CHN2: variants seen among roughly 807,000 people sequenced by gnomAD.
The protein encoded by CHN2 is chimerin 2.
In CHN2, 35 loss-of-function variants were observed where a neutral mutation model predicts 56.3. The ratio of observed to expected loss-of-function variants is 0.62; its 90% CI spans 0.47 to 0.82. CHN2 has a LOEUF of 0.82. Ranked by LOEUF, CHN2 falls within the 40% of genes least tolerant of loss-of-function variation. The probability of loss-of-function intolerance (pLI) is 0.00; values close to 1 mark genes in which losing one functional copy is unlikely to be tolerated. For missense variants in CHN2, 491 were observed against 580.5 expected (o/e 0.85, Z 1.58); for synonymous variants, 210 against 212.8 (o/e 0.99, Z 0.12).
intron 1 of CHN2, among the ~76,000 whole-genome samples, chr7:29,242,085 T>G (rs560980483): frequency 1.3e-5 from 2 of 152,316 alleles, no homozygotes; most frequent in African/African-American, 4.8e-5. Flanking sequence ...CTCATTTAAT[T>G]CTCACAACCA....
chr7:29,508,906 C>T (rs930153010), intron 11 of CHN2, among the ~76,000 whole-genome samples: 5 of 151,964 alleles, frequency 3.3e-5, no homozygotes, highest in Non-Finnish European at 7.4e-5. Flanking sequence ...TAGACAACTG[C>T]AAGGCAATAC....
At chr7:29,395,794 C>T (rs1409671898) in intron 4 of CHN2, among the ~76,000 whole-genome samples, 1 of 152,164 alleles carries the variant, frequency 6.6e-6, no homozygotes, top group African/African-American at 2.4e-5. Flanking sequence ...TTGTCATTTT[C>T]TTCTTTTGAA....
At chr7:29,451,457 T>G (rs771907383) in intron 6 of CHN2, among the ~76,000 whole-genome samples, 1 of 152,116 alleles carries the variant, frequency 6.6e-6, no homozygotes, top group African/African-American at 2.4e-5. Flanking sequence ...CTTCAGAAAC[T>G]ACTTCTTACT....
chr7:29,321,051 A>G (rs1211725359), intron 1 of CHN2, among the ~76,000 whole-genome samples: 2 of 152,148 alleles, frequency 1.3e-5, no homozygotes, highest in Non-Finnish European at 2.9e-5. Context: ...AAACCTCACT[A>G]TTTATTTTAC....
intron 6 of CHN2, among the ~76,000 whole-genome samples, chr7:29,408,134 G>C (rs1802832187): frequency 6.6e-6 from 1 of 151,578 alleles, no homozygotes; most frequent in Non-Finnish European, 1.5e-5. Flanking sequence ...AGGTTGTAGT[G>C]AGCCCAGATC....
At chr7:29,405,998 C>T (rs1802619498) in intron 6 of CHN2, among the ~76,000 whole-genome samples, 1 of 152,218 alleles carries the variant, frequency 6.6e-6, no homozygotes, top group African/African-American at 2.4e-5. Context: ...CAAGGTTGAG[C>T]CTGTCCCGAG....
chr7:29,379,015 C>T (rs1800290613), intron 3 of CHN2, among the ~76,000 whole-genome samples: 1 of 152,162 alleles, frequency 6.6e-6, no homozygotes, highest in Non-Finnish European at 1.5e-5. Context: ...GCACTTAGAA[C>T]AGTGCCTGAC....
At chr7:29,368,300 A>AT (rs1451098270) in intron 3 of CHN2, among the ~76,000 whole-genome samples, 2 of 152,110 alleles carry the variant, frequency 1.3e-5, no homozygotes, top group African/African-American at 4.8e-5. Flanking sequence ...TTCTTTTAGC[A>AT]TTTTTTATTA....
chr7:29,219,028 T>C (rs1785566972), intron 1 of CHN2, among the ~76,000 whole-genome samples: 3 of 152,204 alleles, frequency 2.0e-5, no homozygotes, highest in Admixed American at 1.3e-4. Context: ...TTAGGCTGTT[T>C]TAAATGTGGG....
rs577510959 is a variant in CHN2 at position 29,387,162 on chromosome 7, G to C, written c.145-6517G>C. Among the ~76,000 whole-genome samples the C allele has an allele frequency of 8.0e-4, 122 of 152,296 alleles. 1 individual carries two copies. Among genetic ancestry groups the C allele is most frequent in the Non-Finnish European group, 1.0e-4 (7 of 68,026 alleles). On this transcript the variant is annotated intron_variant, in intron 3 of 12. Transcript: ENST00000222792. ...AAAGGAGAGAAACCCTCAGGACTCT[G>C]CCTGGCACAGAGTAGCCACTCAATA...
intron 1 of CHN2, among the ~76,000 whole-genome samples, chr7:29,210,512 A>G (rs1354186927): frequency 2.6e-5 from 4 of 152,184 alleles, no homozygotes; most frequent in African/African-American, 4.8e-5. Flanking sequence ...AGATACTGCA[A>G]TGAACAAAAC....
intron 1 of CHN2, among the ~76,000 whole-genome samples, chr7:29,323,441 G>T (rs1470528520): frequency 6.6e-6 from 1 of 152,128 alleles, no homozygotes; most frequent in Non-Finnish European, 1.5e-5. Flanking sequence ...CACAGCCTAA[G>T]ATTACAGAGT....
At chr7:29,482,479 AAGC>A (rs1787366605) in intron 7 of CHN2, among the ~76,000 whole-genome samples, 1 of 152,170 alleles carries the variant, frequency 6.6e-6, no homozygotes, top group South Asian at 2.1e-4. Context: ...AACATTCAAA[AAGC>A]AGGCTCAGGC....
chr7:29,173,229 C>T (rs1335625224), intron 2 of CHN2, among the ~76,000 whole-genome samples: 1 of 151,954 alleles, frequency 6.6e-6, no homozygotes, highest in South Asian at 2.1e-4. Context: ...TCTTCTAAGG[C>T]CAGAAAGCTA....
chr7:29,448,194 C>A (rs1005627244), intron 6 of CHN2, among the ~76,000 whole-genome samples: 1 of 151,904 alleles, frequency 6.6e-6, no homozygotes, highest in African/African-American at 2.4e-5. Flanking sequence ...CTTATAGGTA[C>A]GCAATACCTT....
chr7:29,327,831 A>G (rs1795929609), intron 1 of CHN2, among the ~76,000 whole-genome samples: 1 of 152,212 alleles, frequency 6.6e-6, no homozygotes, highest in Non-Finnish European at 1.5e-5. Flanking sequence ...AAGTTAATTT[A>G]ACAGTTTGGT....
chr7:29,402,023 C>G (rs552742985), intron 6 of CHN2, among the ~76,000 whole-genome samples: 1 of 152,290 alleles, frequency 6.6e-6, no homozygotes, highest in African/African-American at 2.4e-5. Flanking sequence ...GGAGCTACAG[C>G]CCCGCCACAC....
At chr7:29,488,569 T>G (rs551249388) in intron 7 of CHN2, among the ~76,000 whole-genome samples, 5 of 152,296 alleles carry the variant, frequency 3.3e-5, no homozygotes, top group South Asian at 2.1e-4. Context: ...ACCCGAAGAT[T>G]CCTTTTCAAA....
intron 1 of CHN2, among the ~76,000 whole-genome samples, chr7:29,225,160 T>C (rs550288889): frequency 2.4e-4 from 36 of 152,288 alleles, no homozygotes; most frequent in South Asian, 1.0e-3. Flanking sequence ...TTAAAACAGA[T>C]AGAATATGAA....
Sources: gnomAD v4.1 joint callset for allele counts (sites outside exome capture counted in the v4.1 genomes callset) on GRCh38, gnomAD v4.1.1 for gene constraint, MANE v1.5 for transcripts, NCBI Gene and HGNC (gene_info 2026-07-23, HGNC 2026-07-21) for gene names.